N4BP2: variants seen among roughly 807,000 people sequenced by gnomAD.
N4BP2 encodes NEDD4-binding protein 2.
N4BP2 carries 91 observed loss-of-function variants against 152.8 expected under a neutral mutation model. The observed-to-expected ratio is 0.60, with a 90% CI of 0.50 to 0.71. The LOEUF (loss-of-function observed/expected upper bound fraction) is 0.71, where lower values mean the gene tolerates loss of function less well. Among genes scored for constraint, N4BP2 ranks in the 30% least tolerant of loss-of-function variants. The probability of loss-of-function intolerance (pLI) is 0.00; values close to 1 mark genes in which losing one functional copy is unlikely to be tolerated. For missense variants in N4BP2, 1,923 were observed against 2,059.1 expected (o/e 0.93, Z 1.28); for synonymous variants, 646 against 705.3 (o/e 0.92, Z 1.33).
At chr4:40,066,866 C>G (rs1711573051) in intron 1 of N4BP2, among the ~76,000 whole-genome samples, 1 of 152,002 alleles carries the variant, frequency 6.6e-6, no homozygotes, top group Non-Finnish European at 1.5e-5. Flanking sequence ...CCCATTTTCT[C>G]CTTCCTAGCC....
chr4:40,072,953 C>T (rs779985824), intron 1 of N4BP2, among the ~76,000 whole-genome samples: 2 of 152,002 alleles, frequency 1.3e-5, no homozygotes, highest in African/African-American at 4.8e-5. Context: ...AACTCCTGAC[C>T]TCAAGTAATC....
intron 5 of N4BP2, 105 bp downstream of exon 5, chr4:40,107,129 T>C: frequency 8.1e-7 from 1 of 1,232,926 alleles, no homozygotes; most frequent in East Asian, 2.5e-5. Context: ...AGACAGGGTC[T>C]CGCTGTGTTG....
At chr4:40,166,761 T>C in the N4BP2 span, 1 of 152,180 alleles carries the variant, frequency 6.6e-6, no homozygotes, top group Non-Finnish European at 1.5e-5. Flanking sequence ...GGGTACATTG[T>C]AGGTGTATAC....
intron 2 of N4BP2, among the ~76,000 whole-genome samples, chr4:40,086,393 A>T (rs1030011404): frequency 6.6e-6 from 1 of 151,928 alleles, no homozygotes; most frequent in African/African-American, 2.4e-5. Flanking sequence ...GCTGGAGTGC[A>T]GTGGCATGAT....
intron 1 of N4BP2, among the ~76,000 whole-genome samples, chr4:40,067,633 TGTAC>T (rs1711666620): frequency 6.6e-6 from 1 of 152,180 alleles, no homozygotes; most frequent in Admixed American, 6.6e-5. Context: ...GCTGAGCCAT[TGTAC>T]GTTCCTACCA....
chr4:40,059,633 A>C (rs1733497020), intron 1 of N4BP2, among the ~76,000 whole-genome samples: 1 of 151,016 alleles, frequency 6.6e-6, no homozygotes, highest in South Asian at 2.1e-4. Context: ...TACAGACATG[A>C]GCCACCCCGC....
chr4:40,131,918 A>G lies in N4BP2; in HGVS notation c.4645A>G (p.Asn1549Asp), dbSNP rs1209223289. 1.3e-6 allele frequency: 2 copies of G among 1,540,870 alleles called. No individual in the cohort carries two copies. The highest frequency in any genetic ancestry group is 1.8e-6 in the Non-Finnish European group (2 of 1,113,658). ...NFLVDIFKDH[N>D]YSLEHTVQFL... is the part of the protein sequence containing the mutation. ...TCTGGTGGACATTTTCAAGGACCACAAGTGAGTGCTAGAAGGATTGTCTGT... is the reference window on the plus strand; with the variant it reads ...TCTGGTGGACATTTTCAAGGACCACGAGTGAGTGCTAGAAGGATTGTCTGT... Residue 1549 changes from asparagine (N) to aspartate (D), a missense_variant and splice_region_variant, in exon 13 of 18, where the codon AAC becomes GAC. By Grantham distance (23) the Asn-to-Asp change is conservative. Transcript: ENST00000261435.
Position 40,102,916 on chromosome 4 carries a change from G to C in N4BP2, c.1071G>C (p.Pro357=). The C allele has an allele frequency of 6.2e-7, 1 of 1,614,102 alleles. No individual in the cohort carries two copies. The highest frequency in any genetic ancestry group is 2.2e-5 in the East Asian group (1 of 44,884). The part of the protein sequence containing the change: ...LAPLPLLLPP[P]PPPPMWNPMI... The stretch of plus-strand genomic sequence containing the variant: ...CTCTCCCATTGCTGTTGCCTCCTCC[G>C]CCACCTCCACCGATGTGGAATCCAA... The change falls in exon 4 of 18, where the codon CCG becomes CCC. Residue 357 remains proline, a synonymous_variant. Coordinates refer to ENST00000261435, the MANE Select transcript of N4BP2 (RefSeq NM_018177.6).
chr4:40,174,178 A>G, the N4BP2 span, among the ~76,000 whole-genome samples: 2 of 151,628 alleles, frequency 1.3e-5, no homozygotes, highest in African/African-American at 2.4e-5. Context: ...GGAGTTCGAG[A>G]CCAGCCTGGG....
rs147013669 is a variant in N4BP2, at chr4:40,152,182, C to T, written c.5144-598C>T. 2.4e-3 allele frequency among the ~76,000 whole-genome samples: 361 copies of T among 152,250 alleles called. 1 individual carries two copies. The highest frequency in any genetic ancestry group is 8.2e-3 in the African/African-American group (342 of 41,548). On this transcript the variant is annotated intron_variant, in intron 16 of 17. Coordinates refer to ENST00000261435, the MANE Select transcript of N4BP2 (RefSeq NM_018177.6). ...TAGTAAGACTGCAATCCAGCTGTGA[C>T]TAGTGGATTTGCTAATAGCTATTAC...
intron 14 of N4BP2, chr4:40,142,131 A>AGGGGGG (rs1720061198): frequency 2.0e-5 from 1 of 48,910 alleles, no homozygotes; most frequent in Admixed American, 3.2e-4. Flanking sequence ...CCATAGGGAG[A>AGGGGGG]GGGGGAGGGG....
At chr4:40,094,281 G>T (rs754000323) in intron 2 of N4BP2, among the ~76,000 whole-genome samples, 2 of 152,138 alleles carry the variant, frequency 1.3e-5, no homozygotes, top group Non-Finnish European at 2.9e-5. Flanking sequence ...CTTGGTATGT[G>T]TTCTGTTAAT....
At chr4:40,180,532 G>C in the N4BP2 span, among the ~76,000 whole-genome samples, 2 of 152,220 alleles carry the variant, frequency 1.3e-5, no homozygotes, top group African/African-American at 4.8e-5. Flanking sequence ...AACCTGCAAA[G>C]TCACTTCCTG....
At chr4:40,124,238 A>G (rs764872142) in intron 11 of N4BP2, 33 bp downstream of exon 11, 1 of 1,542,804 alleles carries the variant, frequency 6.5e-7, no homozygotes, top group South Asian at 1.2e-5. Flanking sequence ...TAATGTCTTA[A>G]TGTTGAAATT....
rs903237789 is a variant in N4BP2 at position 40,076,475 on chromosome 4, C to CA, written c.-115+2932dup. Among the ~76,000 whole-genome samples, 10 of 150,294 alleles carry CA rather than the reference C, an allele frequency of 6.7e-5. No individual in the cohort carries two copies. The East Asian group carries it at 1.2e-3, about 18-fold the overall frequency. ...TAGGTGACAGAGGGAGACTTTGTGT[C>CA]AAAAAAAACCCAAAAATATCTTTTT... is the stretch of plus-strand genomic sequence containing the variant. On this transcript the variant is annotated intron_variant, in intron 2 of 17. Coordinates refer to ENST00000261435, the MANE Select transcript of N4BP2 (RefSeq NM_018177.6).
At chr4:40,096,815 A>G (rs1715149401) in intron 2 of N4BP2, among the ~76,000 whole-genome samples, 1 of 152,146 alleles carries the variant, frequency 6.6e-6, no homozygotes, top group African/African-American at 2.4e-5. Context: ...GGCCCAAGTC[A>G]TTGGAAGGAT....
At position 40,122,053 on chromosome 4, in the gene N4BP2, T is replaced by C. The variant is rs1341970925; in HGVS notation, c.3942T>C (p.Asn1314=). 6.5e-7 allele frequency: 1 copy of C among 1,547,886 alleles called. No individual in the cohort carries two copies. Among genetic ancestry groups the C allele is most frequent in the African/African-American group, 1.4e-5 (1 of 72,172 alleles). The part of the protein sequence containing the change: ...YFTDSLEIKR[N]ENFPKDYVKF... ...CTGATTCTCTTGAAATAAAGAGAAA[T>C]GAAAATTTTCCAAAGGATTATGTGA... is the stretch of plus-strand genomic sequence containing the variant. The change falls in exon 9 of 18, where the codon AAT becomes AAC. Residue 1314 remains asparagine, a synonymous_variant. Coordinates refer to ENST00000261435, the MANE Select transcript of N4BP2 (RefSeq NM_018177.6).
intron 5 of N4BP2, among the ~76,000 whole-genome samples, chr4:40,110,726 CGGGG>C (rs1464922668): frequency 6.6e-6 from 1 of 152,032 alleles, no homozygotes; most frequent in African/African-American, 2.4e-5. Flanking sequence ...TTAGTAGAGA[CGGGG>C]TTTCACTGTG....
chr4:40,097,626 T>C (rs570002523), intron 3 of N4BP2, 57 bp downstream of exon 3: 124 of 977,234 alleles, frequency 1.3e-4, no homozygotes, highest in Non-Finnish European at 1.3e-4. Flanking sequence ...TTGTGTACTA[T>C]GCCATGATTA....
Sources: allele counts gnomAD v4.1 joint callset (sites outside exome capture counted in the v4.1 genomes callset), GRCh38; gene constraint gnomAD v4.1.1; transcripts MANE v1.5; gene names NCBI Gene and HGNC (gene_info 2026-07-23, HGNC 2026-07-21).